The following NCKAP1 variants were observed in gnomAD, a reference collection of about 807,000 sequenced individuals.
The protein encoded by NCKAP1 is nck-associated protein 1.
Under a neutral mutation model 151.2 loss-of-function variants are expected in NCKAP1, and 21 were observed. That is an observed-to-expected ratio of 0.14 (90% CI 0.10 to 0.20). NCKAP1 has a LOEUF of 0.20. NCKAP1 is among the 10% of genes least tolerant of loss of function. NCKAP1 has a pLI of 1.00. For synonymous variants in NCKAP1, 484 were observed against 451.8 expected, an observed-to-expected ratio of 1.07 and a Z score of -0.90; for missense variants, 933 against 1,352.1, an observed-to-expected ratio of 0.69 and a Z score of 4.86.
chr2:182,930,279 ACT>A (rs1696735799), intron 27 of NCKAP1, among the ~76,000 whole-genome samples: 1 of 151,524 alleles, frequency 6.6e-6, no homozygotes, highest in African/African-American at 2.4e-5. Context: ...CCACCAATTA[ACT>A]CTACATAGCT....
chr2:182,944,769 T>C (rs1697066118), intron 23 of NCKAP1, among the ~76,000 whole-genome samples: 1 of 152,184 alleles, frequency 6.6e-6, no homozygotes, highest in Admixed American at 6.5e-5. Context: ...ATACTTAGTT[T>C]ATATCAGTTT....
rs1209272462 is a variant in NCKAP1, at chr2:183,002,002, T to A, written c.554A>T (p.Tyr185Phe). The A allele has an allele frequency of 6.2e-7, 1 of 1,613,898 alleles. No individual in the cohort carries two copies. The highest frequency in any genetic ancestry group is 8.5e-7 in the Non-Finnish European group (1 of 1,179,866). The change falls in exon 6 of 31, where the codon TAT (tyrosine) becomes TTT (phenylalanine). Residue 185 changes from tyrosine to phenylalanine, a missense_variant. This residue lies in a region of NCKAP1 where 607 missense variants were observed against 795.0 expected (regional missense o/e 0.76). Coordinates refer to ENST00000361354, the MANE Select transcript of NCKAP1 (RefSeq NM_013436.5). Reference sequence around the variant, plus strand: ...CATCATCTTCTTTAAAGGGTTTTCATAATCCACAATCATCTGGCCAAGGCG... The same window carrying A: ...CATCATCTTCTTTAAAGGGTTTTCAAAATCCACAATCATCTGGCCAAGGCG... The part of the protein sequence containing the change: ...YPRLGQMIVD[Y>F]ENPLKKMMEE...
In NCKAP1 at chr2:182,971,575, A is replaced by C. The variant is rs141165526; in HGVS notation, c.1483-4214T>G. On this transcript the variant is annotated intron_variant, in intron 15 of 30. Coordinates refer to ENST00000361354, the MANE Select transcript of NCKAP1 (RefSeq NM_013436.5). Reference sequence around the variant, plus strand: ...ATTCATATGGAACAAACAACAACAAAAAAAAAACTAGAAGAGCCAAATCAA... The same window carrying C: ...ATTCATATGGAACAAACAACAACAACAAAAAAACTAGAAGAGCCAAATCAA... Among the ~76,000 whole-genome samples the C allele has an allele frequency of 6.0e-3, 919 of 152,172 alleles. 7 individuals are homozygous for C. The highest frequency in any genetic ancestry group is 0.011 in the African/African-American group (453 of 41,528).
At chr2:183,021,534 C>T (rs553446935) in intron 2 of NCKAP1, among the ~76,000 whole-genome samples, 1 of 152,290 alleles carries the variant, frequency 6.6e-6, no homozygotes, top group African/African-American at 2.4e-5. Context: ...TCATTTTGGT[C>T]TAGGAGTTCG....
Position 182,978,892 on chromosome 2 carries a change from A to C in NCKAP1, c.1365T>G (p.Asp455Glu). 6.2e-7 allele frequency: 1 copy of C among 1,608,980 alleles called. No individual in the cohort carries two copies. The highest frequency in any genetic ancestry group is 8.5e-7 in the Non-Finnish European group (1 of 1,176,604). The change falls in exon 14 of 31, where the codon GAT (aspartate) becomes GAG (glutamate). Residue 455 changes from aspartate (D) to glutamate (E), a missense_variant. Transcript: ENST00000361354. Reference protein sequence around the residue: ...LVQNLSVCPEDESIIMSSFVN... With the variant: ...LVQNLSVCPEEESIIMSSFVN... ...CAAAAGAGGACATGATGATTGATTC[A>C]TCTTCAGGGCAAACAGAAAGATTCT...
chr2:182,989,971 C>G (rs1698134808), intron 8 of NCKAP1, among the ~76,000 whole-genome samples: 1 of 151,248 alleles, frequency 6.6e-6, no homozygotes, highest in African/African-American at 2.4e-5. Context: ...GCCTGGGTGA[C>G]AGAGCAAGAC....
At position 182,952,783 on chromosome 2, in the gene NCKAP1, T is replaced by C. The variant is rs1697240357; in HGVS notation, c.2503+10A>G. ...CTTCATTCTCTAAACTGTGGTATAG[T>C]ACTATTCACCTGATATGTCAGAATA... On this transcript the variant is annotated intron_variant, in intron 22 of 30. Transcript: ENST00000361354. 1.3e-6 allele frequency: 2 copies of C among 1,595,430 alleles called. No individual in the cohort carries two copies. Among genetic ancestry groups the C allele is most frequent in the Non-Finnish European group, 1.7e-6 (2 of 1,171,826 alleles).
chr2:182,984,792 G>T (rs565088863), intron 10 of NCKAP1, among the ~76,000 whole-genome samples: 2 of 152,302 alleles, frequency 1.3e-5, no homozygotes, highest in East Asian at 3.9e-4. Context: ...TTACTGTGAG[G>T]AGTCTGTGAT....
chr2:182,978,310 T>C (rs1429068604), intron 14 of NCKAP1, among the ~76,000 whole-genome samples: 1 of 152,236 alleles, frequency 6.6e-6, no homozygotes, highest in East Asian at 1.9e-4. Context: ...GGTGATTATA[T>C]GACATCAATT....
In NCKAP1 at chr2:182,910,778, C is replaced by A. The variant is rs1266579776; in HGVS notation, c.*14924G>T. On this transcript the variant is annotated 3_prime_UTR_variant, in exon 31 of 31. Transcript: ENST00000361354. ...AATGCAATCTAATTTCTTCACTCCT[C>A]ATCTTGAGGGGTAAGTGGGCAAACA... The A allele has an allele frequency of 6.6e-6, 1 of 152,192 alleles. No homozygotes were observed. The highest frequency in any genetic ancestry group is 1.5e-5 in the Non-Finnish European group (1 of 68,052). The allele number at this position is 152,192 out of a possible 1,614,324, so 9.4% of individuals were successfully genotyped here. A position where few individuals can be genotyped will look rare whatever the true frequency, so the allele number is the denominator to read the frequency against.
At chr2:182,939,485 G>A (rs965286176) in intron 24 of NCKAP1, among the ~76,000 whole-genome samples, 102 of 152,104 alleles carry the variant, frequency 6.7e-4, no homozygotes, top group African/African-American at 2.4e-3. Context: ...CTGAGACTGT[G>A]TCATTACACT....
chr2:183,037,911 C>T lies in NCKAP1; in HGVS notation c.108+81G>A. 5 of 1,116,308 alleles carry T rather than the reference C, an allele frequency of 4.5e-6. No homozygotes were observed. The South Asian group carries it at 6.7e-5, about 15-fold the overall frequency. 69.2% of individuals were successfully genotyped at this position (1,116,308 alleles called of 1,614,324 possible). On this transcript the variant is annotated intron_variant, in intron 1 of 30. Coordinates refer to ENST00000361354, the MANE Select transcript of NCKAP1 (RefSeq NM_013436.5). ...TTTCTACACCCGGCGCCTCCTGCCG[C>T]CCCCACCCCACGGCCTCCCTTGCCC...
chr2:183,000,531 A>G (rs1345188537), intron 6 of NCKAP1, among the ~76,000 whole-genome samples: 3 of 152,190 alleles, frequency 2.0e-5, no homozygotes, highest in Non-Finnish European at 4.4e-5. Context: ...AAAAACCACT[A>G]CTGATATTAG....
At chr2:182,985,427 T>TA (rs904100085) in intron 10 of NCKAP1, among the ~76,000 whole-genome samples, 4 of 152,114 alleles carry the variant, frequency 2.6e-5, no homozygotes, top group African/African-American at 9.7e-5. Flanking sequence ...TTCAAAGATT[T>TA]AAAATACACT....
intron 23 of NCKAP1, among the ~76,000 whole-genome samples, chr2:182,944,257 A>G (rs1697054047): frequency 6.6e-6 from 1 of 152,254 alleles, no homozygotes; most frequent in Non-Finnish European, 1.5e-5. Flanking sequence ...AAGTTTAGAC[A>G]AAGCAAGTGA....
intron 23 of NCKAP1, 143 bp downstream of exon 23, chr2:182,952,262 T>C: frequency 1.8e-6 from 1 of 544,560 alleles, no homozygotes; most frequent in East Asian, 3.4e-5. Flanking sequence ...AAAAAGGCCT[T>C]GCTAGCTATT....
intron 8 of NCKAP1, among the ~76,000 whole-genome samples, chr2:182,990,969 G>C (rs1046430826): frequency 7.9e-5 from 12 of 152,072 alleles, no homozygotes; most frequent in Non-Finnish European, 1.6e-4. Flanking sequence ...CACAATCAAA[G>C]AAACAGAATA....
intron 2 of NCKAP1, among the ~76,000 whole-genome samples, chr2:183,017,650 G>A (rs911992898): frequency 1.3e-5 from 2 of 152,092 alleles, no homozygotes; most frequent in African/African-American, 4.8e-5. Context: ...CCTGTCTGTG[G>A]CCTGGGGGTT....
In NCKAP1 at chr2:182,946,390, G is replaced by C. The variant is rs548116606; in HGVS notation, c.2602-4227C>G. Among the ~76,000 whole-genome samples, 31 of 150,688 alleles carry C rather than the reference G, an allele frequency of 2.1e-4. 1 individual carries two copies. The highest frequency in any genetic ancestry group is 7.5e-4 in the African/African-American group (30 of 40,164). ...ACTCCTAGCCTGGGCGACAGAGCGA[G>C]ACTCTGTTTACAAAAAAAAAAGGAG... On this transcript the variant is annotated intron_variant, in intron 23 of 30. Transcript: ENST00000361354.
Sources: allele counts gnomAD v4.1 joint callset (sites outside exome capture counted in the v4.1 genomes callset), GRCh38; gene constraint gnomAD v4.1.1; regional missense constraint gnomAD v4.1.1; transcripts MANE v1.5; gene names NCBI Gene and HGNC (gene_info 2026-07-23, HGNC 2026-07-21).